The following MRC2 variants were observed in gnomAD, a reference collection of about 807,000 sequenced individuals.
MRC2 encodes the protein mannose receptor C-type 2.
MRC2 carries 84 observed loss-of-function variants against 206.2 expected under a neutral mutation model. The ratio of observed to expected loss-of-function variants is 0.41; its 90% CI spans 0.34 to 0.49. MRC2 has a LOEUF of 0.49. MRC2 is among the 20% of genes least tolerant of loss of function. MRC2 has a pLI of 0.31. For synonymous variants in MRC2, 798 were observed against 800.0 expected (o/e 1.00, Z 0.04); for missense variants, 1,676 against 2,001.5 (o/e 0.84, Z 3.10).
At position 62,675,039 on chromosome 17, in the gene MRC2, G is replaced by T. The variant is rs1313654821; in HGVS notation, c.1570-751G>T. ...GCAGAGGGGAGAGCAGAGCCCAGCT[G>T]CGGAGTCTGTGGACTGGCAAGGACA... On this transcript the variant is annotated intron_variant, in intron 9 of 29. Transcript: ENST00000303375. This position sits in a 1 kb window ranked among gnomAD's most constrained non-coding sequence, Gnocchi z 4.1. 6.6e-6 allele frequency among the ~76,000 whole-genome samples: 1 copy of T among 152,208 alleles called. No homozygotes were observed. Among genetic ancestry groups the T allele is most frequent in the Non-Finnish European group, 1.5e-5 (1 of 68,018 alleles).
intron 1 of MRC2, chr17:62,661,536 TTTTC>T (rs1248074683): frequency 6.6e-6 from 1 of 151,088 alleles, no homozygotes; most frequent in Non-Finnish European, 1.5e-5. Context: ...TTCTCTTTCT[TTTTC>T]TTTCTTTCTC....
intron 1 of MRC2, among the ~76,000 whole-genome samples, chr17:62,635,191 C>CTT (rs35446845): frequency 0.029 from 2,937 of 101,644 alleles, 171 homozygotes; most frequent in African/African-American, 0.1. Flanking sequence ...CTATTTTTCT[C>CTT]TTTTTTTTTT....
intron 9 of MRC2, 103 bp downstream of exon 9, chr17:62,674,273 C>T (rs944839720): frequency 1.0e-5 from 8 of 778,524 alleles, no homozygotes; most frequent in Admixed American, 3.0e-5. Flanking sequence ...TGGCATCGCC[C>T]TCTCGTCGGC....
chr17:62,629,615 C>T (rs1213113671), intron 1 of MRC2, among the ~76,000 whole-genome samples: 1 of 152,218 alleles, frequency 6.6e-6, no homozygotes, highest in Non-Finnish European at 1.5e-5. Flanking sequence ...CAGGTTCCTT[C>T]CCTCGGAACC....
At chr17:62,645,585 G>A (rs1222617602) in intron 1 of MRC2, among the ~76,000 whole-genome samples, 2 of 127,584 alleles carry the variant, frequency 1.6e-5, no homozygotes, top group African/African-American at 5.9e-5. Context: ...CCAGGCTGGA[G>A]TACAGTGGCA....
At position 62,671,802 on chromosome 17, in the gene MRC2, C is replaced by G. The variant is rs202202616; in HGVS notation, c.1271C>G (p.Ala424Gly). Reference sequence around the variant, plus strand: ...GACCTGGTCAGCATCCACAGCATGGCGGAGCTGGAATTCATCACCAAGCAG... The same window carrying G: ...GACCTGGTCAGCATCCACAGCATGGGGGAGCTGGAATTCATCACCAAGCAG... ...GGDLVSIHSM[A>G]ELEFITKQIK... The change falls in exon 7 of 30, where the codon GCG becomes GGG. Residue 424 changes from alanine (A) to glycine (G), a missense_variant. By Grantham distance (60) the Ala-to-Gly change is moderately conservative. Around this residue, in one of 3 missense-constraint regions of MRC2, gnomAD observed 1,354 missense variants for 1,636.6 expected, o/e 0.83. Coordinates refer to ENST00000303375, the MANE Select transcript of MRC2 (RefSeq NM_006039.5). The surrounding 1 kb of genome is among the most constrained non-coding windows in gnomAD (Gnocchi z 4.5). The G allele has an allele frequency of 5.6e-6, 9 of 1,606,912 alleles. No individual in the cohort carries two copies. The highest frequency in any genetic ancestry group is 7.7e-6 in the Non-Finnish European group (9 of 1,175,394).
intron 20 of MRC2, 22 bp from the exon 21 acceptor site, chr17:62,688,267 C>T (rs377597707): frequency 6.2e-7 from 1 of 1,608,068 alleles, no homozygotes; most frequent in Non-Finnish European, 8.5e-7. Context: ...CTGGCCATTA[C>T]ATCCCCACCT....
intron 11 of MRC2, 47 bp downstream of exon 11, chr17:62,676,578 A>G (rs767971100): frequency 6.5e-7 from 1 of 1,544,732 alleles, no homozygotes; most frequent in Non-Finnish European, 8.7e-7. Context: ...GAGGGAGGCC[A>G]GGGTGGACTG....
intron 1 of MRC2, among the ~76,000 whole-genome samples, chr17:62,651,849 G>C (rs750809036): frequency 2.0e-5 from 3 of 152,206 alleles, no homozygotes; most frequent in Non-Finnish European, 2.9e-5. Context: ...TGGAATTAAA[G>C]GCGTGAGCCA....
chr17:62,659,610 G>A (rs1380044829), intron 1 of MRC2, among the ~76,000 whole-genome samples: 1 of 152,128 alleles, frequency 6.6e-6, no homozygotes. Context: ...TTCATGGCAG[G>A]AGGGAAGGAG....
chr17:62,652,820 C>A lies in MRC2; in HGVS notation c.119-11728C>A, dbSNP rs909890431. ...GGTGCTCGGTGGAGGGAGGGGCACA[C>A]GGTGGCGGGGGGAGGGGCGTGCCGC... is the stretch of plus-strand genomic sequence containing the variant. On this transcript the variant is annotated intron_variant, in intron 1 of 29. Coordinates refer to ENST00000303375, the MANE Select transcript of MRC2 (RefSeq NM_006039.5). The surrounding 1 kb of genome is among the most constrained non-coding windows in gnomAD (Gnocchi z 4.6). Among the ~76,000 whole-genome samples the A allele has an allele frequency of 2.9e-4, 3 of 10,516 alleles. No individual in the cohort carries two copies. Among genetic ancestry groups the A allele is most frequent in the East Asian group, 2.8e-3 (1 of 352 alleles). The allele number at this position is 10,516 out of a possible 152,430, so 6.9% of individuals were successfully genotyped here.
rs1271389569 is a variant in MRC2, at chr17:62,680,418, G to A, written c.2438G>A (p.Gly813Asp). ...AACGTCTTTGTCCTTGTTCCCCTAG[G>A]TACGGACGTGCGGGAGCCCGACGAC... The part of the protein sequence containing the change: ...QLDWICKIPR[G>D]TDVREPDDSP... Residue 813 changes from glycine (G) to aspartate (D), a missense_variant and splice_region_variant, in exon 16 of 30, where the codon GGT becomes GAT. By Grantham distance (94) the Gly-to-Asp change is moderately conservative. This residue lies in a region of MRC2 where 1,354 missense variants were observed against 1,636.6 expected (regional missense o/e 0.83). Coordinates refer to ENST00000303375, the MANE Select transcript of MRC2 (RefSeq NM_006039.5). The surrounding 1 kb of genome is among the most constrained non-coding windows in gnomAD (Gnocchi z 4.8). The A allele has an allele frequency of 1.2e-6, 2 of 1,614,078 alleles. No homozygotes were observed. The highest frequency in any genetic ancestry group is 1.7e-6 in the Non-Finnish European group (2 of 1,180,012).
chr17:62,629,389 G>T (rs191986475), intron 1 of MRC2, among the ~76,000 whole-genome samples: 1 of 152,334 alleles, frequency 6.6e-6, no homozygotes, highest in Non-Finnish European at 1.5e-5. Flanking sequence ...CTGGTGAGAG[G>T]CCCGGTCAGG....
In MRC2 at chr17:62,689,653, C is replaced by G; in HGVS notation, c.3466C>G (p.Arg1156Gly). The change falls in exon 24 of 30, where the codon CGC becomes GGC. Residue 1156 changes from arginine to glycine, a missense_variant. Transcript: ENST00000303375. ...WHDALLLCESRNASLAYVPDP... is the reference protein window; with the variant it reads ...WHDALLLCESGNASLAYVPDP... ...CGATGCCCTCCTGCTGTGTGAGAGC[C>G]GCAATGCCAGCCTGGCCTACGTGCC... is the stretch of plus-strand genomic sequence containing the variant. The G allele has an allele frequency of 6.3e-7, 1 of 1,598,760 alleles. No individual in the cohort carries two copies. Among genetic ancestry groups the G allele is most frequent in the East Asian group, 2.2e-5 (1 of 44,492 alleles).
chr17:62,681,746 T>G (rs2088968693), intron 18 of MRC2, 91 bp from the exon 19 acceptor site: 4 of 1,014,896 alleles, frequency 3.9e-6, no homozygotes, highest in Non-Finnish European at 4.5e-6. Context: ...GGCCCTTCCC[T>G]GCCCCCATTC....
intron 1 of MRC2, among the ~76,000 whole-genome samples, chr17:62,630,859 C>T (rs866893068): frequency 2.1e-4 from 32 of 152,236 alleles, no homozygotes; most frequent in African/African-American, 7.7e-4. Flanking sequence ...TCTGCTGAGT[C>T]GTGGGGTTCG....
At chr17:62,677,533 C>A in intron 12 of MRC2, 47 bp downstream of exon 12, 1 of 1,494,624 alleles carries the variant, frequency 6.7e-7, no homozygotes, top group South Asian at 1.3e-5. Context: ...AGGACAGGAG[C>A]AAAGAGACAG....
In MRC2 at chr17:62,664,822, C is replaced by T. The variant is rs148665207; in HGVS notation, c.393C>T (p.Ser131=). ...WHCRTLGDQL[S]LLLGARTSNI... is the part of the protein sequence containing the mutation. Reference sequence around the variant, plus strand: ...GTCGTACACTGGGTGACCAGCTGTCCTTGCTCCTGGGGGCCCGCACCAGCA... The same window carrying T: ...GTCGTACACTGGGTGACCAGCTGTCTTTGCTCCTGGGGGCCCGCACCAGCA... Residue 131 remains serine, a synonymous_variant, in exon 2 of 30, where the codon TCC becomes TCT. Coordinates refer to ENST00000303375, the MANE Select transcript of MRC2 (RefSeq NM_006039.5). The surrounding 1 kb of genome is among the most constrained non-coding windows in gnomAD (Gnocchi z 4.7). 6.0e-4 allele frequency: 962 copies of T among 1,613,874 alleles called. 2 individuals are homozygous for T. The highest frequency in any genetic ancestry group is 8.3e-4 in the Admixed American group (50 of 60,036).
chr17:62,635,814 G>A (rs921999838), intron 1 of MRC2, among the ~76,000 whole-genome samples: 4 of 151,294 alleles, frequency 2.6e-5, no homozygotes, highest in Admixed American at 6.6e-5. Context: ...CTGAGACGGA[G>A]TCTCGCTCTG....
Sources: gnomAD v4.1 joint callset for allele counts (sites outside exome capture counted in the v4.1 genomes callset) on GRCh38, gnomAD v4.1.1 for gene constraint, gnomAD v4.1.1 regional missense constraint, Gnocchi (gnomAD v3.1) non-coding constraint, MANE v1.5 for transcripts, NCBI Gene and HGNC (gene_info 2026-07-23, HGNC 2026-07-21) for gene names.